Variants in ZMYM2 observed in about 807,000 individuals in gnomAD.
The protein encoded by ZMYM2 is zinc finger MYM-type protein 2.
ZMYM2 carries 56 observed loss-of-function variants against 162.8 expected under a neutral mutation model. The observed-to-expected ratio is 0.34, with a 90% CI of 0.28 to 0.43. ZMYM2 has a LOEUF of 0.43. Among genes scored for constraint, ZMYM2 ranks in the 20% least tolerant of loss-of-function variants. The pLI is 1.00. For synonymous variants in ZMYM2, 510 were observed against 541.6 expected (o/e 0.94, Z 0.81); for missense variants, 1,275 against 1,621.8 (o/e 0.79, Z 3.67).
At chr13:19,939,689 T>G in the ZMYM2 span, among the ~76,000 whole-genome samples, 1 of 152,274 alleles carries the variant, frequency 6.6e-6, no homozygotes, top group South Asian at 2.1e-4. Flanking sequence ...TAATTACAAG[T>G]TAGGAAATAT....
Position 20,026,670 on chromosome 13 carries a change from T to G in ZMYM2, c.1643T>G (p.Met548Arg). ...GCRTQCRFFD[M>R]TQCIGPNGYM... The stretch of plus-strand genomic sequence containing the variant: ...CGAACACAGTGCAGGTTTTTTGATA[T>G]GACTCAGTGTATAGGTCCTAATGGA... The change falls in exon 8 of 25, where the codon ATG (methionine) becomes AGG (arginine). Residue 548 changes from methionine (M) to arginine (R), a missense_variant. Transcript: ENST00000610343. 1 of 1,610,922 alleles carries G rather than the reference T, an allele frequency of 6.2e-7. No homozygotes were observed. Among genetic ancestry groups the G allele is most frequent in the Non-Finnish European group, 8.5e-7 (1 of 1,179,202 alleles).
rs1356760891 is a variant in ZMYM2, at chr13:20,019,803, T to C, written c.1584+185T>C. On this transcript the variant is annotated intron_variant, in intron 7 of 24. Transcript: ENST00000610343. Reference sequence around the variant, plus strand: ...GATTTCTAATTTCACTAATTTTACATGTATTTTCTTGTGATATGCTCATTT... The same window carrying C: ...GATTTCTAATTTCACTAATTTTACACGTATTTTCTTGTGATATGCTCATTT... 5 of 588,760 alleles carry C rather than the reference T, an allele frequency of 8.5e-6. No individual in the cohort carries two copies. The East Asian group carries it at 1.2e-4, about 14-fold the overall frequency. The allele number at this position is 588,760 out of a possible 1,614,324, so 36.5% of individuals were successfully genotyped here. A position where few individuals can be genotyped will look rare whatever the true frequency, so the allele number is the denominator to read the frequency against.
intron 2 of ZMYM2, among the ~76,000 whole-genome samples, chr13:19,985,310 G>A (rs973581838): frequency 3.3e-5 from 5 of 152,056 alleles, no homozygotes; most frequent in Admixed American, 6.6e-5. Context: ...TTTTTGTAGA[G>A]TCAGGATTTC....
rs752275811 is a variant in ZMYM2 at position 20,021,321 on chromosome 13, A to AT, written c.1584+1707dup. Among the ~76,000 whole-genome samples, 414 of 88,934 alleles carry AT rather than the reference A, an allele frequency of 4.7e-3. 3 individuals are homozygous for AT. Among genetic ancestry groups the AT allele is most frequent in the Middle Eastern group, 0.014 (2 of 138 alleles). 58.3% of individuals were successfully genotyped at this position (88,934 alleles called of 152,430 possible). On this transcript the variant is annotated intron_variant, in intron 7 of 24. Coordinates refer to ENST00000610343, the MANE Select transcript of ZMYM2 (RefSeq NM_197968.4). ...TTTCTAGATCTGTTTCTATAGTTTGATTTTCTTTTTTTTTCTTCTTCTGGG... is the reference window on the plus strand; with the variant it reads ...TTTCTAGATCTGTTTCTATAGTTTGATTTTTCTTTTTTTTTCTTCTTCTGGG...
At chr13:19,885,875 A>ATATACACACATATGTGTG in the ZMYM2 span, among the ~76,000 whole-genome samples, 4 of 32,150 alleles carry the variant, frequency 1.2e-4, no homozygotes, top group Admixed American at 4.2e-4. Context: ...ATATATATGT[A>ATATACACACATATGTGTG]TATACACATA....
intron 2 of ZMYM2, among the ~76,000 whole-genome samples, chr13:19,980,028 G>C (rs1198806394): frequency 6.6e-6 from 1 of 151,712 alleles, no homozygotes; most frequent in South Asian, 2.1e-4. Flanking sequence ...TTTTATGTCA[G>C]ATTTACAAGG....
chr13:20,063,144 T>A (rs79203353), intron 18 of ZMYM2, among the ~76,000 whole-genome samples, 173 bp downstream of exon 18: 11,822 of 152,142 alleles, frequency 0.078, 1,387 homozygotes, highest in African/African-American at 0.25. Context: ...TGTTTTTTTT[T>A]AAAAACCCAC....
upstream of ZMYM2, among the ~76,000 whole-genome samples, chr13:19,956,259 T>C (rs1218633951): frequency 8.6e-6 from 1 of 116,682 alleles, no homozygotes; most frequent in East Asian, 3.5e-4. Flanking sequence ...TTTTGTGTCT[T>C]GTTTATTCAC....
At chr13:19,941,201 T>C in the ZMYM2 span, among the ~76,000 whole-genome samples, 1 of 151,634 alleles carries the variant, frequency 6.6e-6, no homozygotes, top group Non-Finnish European at 1.5e-5. Flanking sequence ...CCCAGCTACT[T>C]GGGAGGGTGA....
chr13:20,082,160 C>A (rs1170710359), intron 22 of ZMYM2, 30 bp downstream of exon 22: 3 of 1,443,460 alleles, frequency 2.1e-6, no homozygotes, highest in African/African-American at 2.8e-5. Context: ...AGGTGTTGCT[C>A]TCTTGATATT....
chr13:19,993,359 A>G lies in ZMYM2; in HGVS notation c.287A>G (p.Asp96Gly), dbSNP rs780289759. 1 of 1,613,666 alleles carries G rather than the reference A, an allele frequency of 6.2e-7. No individual in the cohort carries two copies. The highest frequency in any genetic ancestry group is 1.3e-5 in the African/African-American group (1 of 74,932). Residue 96 changes from aspartate to glycine, a missense_variant, in exon 3 of 25, where the codon GAT becomes GGT. Physicochemically the swap from Asp to Gly is moderately conservative, Grantham distance 94. Coordinates refer to ENST00000610343, the MANE Select transcript of ZMYM2 (RefSeq NM_197968.4). ...SSKNEELQGN[D>G]SKITPSSKEL... ...AAAAATGAAGAACTACAAGGAAATG[A>G]TTCCAAAATTACTCCTTCCTCAAAA...
the ZMYM2 span, among the ~76,000 whole-genome samples, chr13:19,884,474 A>C: frequency 3.9e-5 from 6 of 152,120 alleles, no homozygotes; most frequent in African/African-American, 1.4e-4. Context: ...GCTACTCGGG[A>C]GGCCGAGGCA....
chr13:19,956,804 C>G (rs1239990724), upstream of ZMYM2, among the ~76,000 whole-genome samples: 1 of 152,164 alleles, frequency 6.6e-6, no homozygotes, highest in Non-Finnish European at 1.5e-5. Context: ...TGAGCTGAAG[C>G]TACTTCAATA....
At chr13:19,907,761 C>CAA in the ZMYM2 span, among the ~76,000 whole-genome samples, 3,128 of 39,100 alleles carry the variant, frequency 0.08, 1,120 homozygotes, top group Middle Eastern at 0.33. Flanking sequence ...GACTCTGTCT[C>CAA]AAAAAAAAAA....
At chr13:19,991,640 T>TTTC (rs397945778) in intron 2 of ZMYM2, among the ~76,000 whole-genome samples, 6 of 150,000 alleles carry the variant, frequency 4.0e-5, no homozygotes, top group African/African-American at 1.5e-4. Context: ...TTTTTTTTTT[T>TTTC]CCCATTTTGA....
upstream of ZMYM2, among the ~76,000 whole-genome samples, chr13:19,956,076 TTCAG>T (rs1214398440): frequency 2.6e-5 from 4 of 152,190 alleles, no homozygotes; most frequent in Non-Finnish European, 4.4e-5. Flanking sequence ...GTGCAATCAT[TTCAG>T]TCAATTTTAG....
rs539580390 is a variant in ZMYM2 at position 20,057,886 on chromosome 13, A to G, written c.2494-689A>G. On this transcript the variant is annotated intron_variant, in intron 14 of 24. Coordinates refer to ENST00000610343, the MANE Select transcript of ZMYM2 (RefSeq NM_197968.4). ...ATGTACCTACATTTTCTCCGTATCA[A>G]TAGATGATGTGGAGAGTACCTTATT... 2.0e-5 allele frequency among the ~76,000 whole-genome samples: 3 copies of G among 152,334 alleles called. No homozygotes were observed. The South Asian group carries it at 6.2e-4, about 32-fold the overall frequency.
chr13:19,991,079 C>CTGTGTGTGTGTG (rs56666919), intron 2 of ZMYM2, among the ~76,000 whole-genome samples: 1,309 of 59,870 alleles, frequency 0.022, 7 homozygotes, highest in Middle Eastern at 0.074. Flanking sequence ...TATGTATTTT[C>CTGTGTGTGTGTG]TGTGTGTGTG....
intron 10 of ZMYM2, among the ~76,000 whole-genome samples, chr13:20,032,530 A>T (rs1300928941): frequency 6.8e-6 from 1 of 146,580 alleles, no homozygotes; most frequent in Non-Finnish European, 1.5e-5. Context: ...GCTGTTGGTG[A>T]GTCATTCAGT....
Sources: allele counts gnomAD v4.1 joint callset (sites outside exome capture counted in the v4.1 genomes callset), GRCh38; gene constraint gnomAD v4.1.1; transcripts MANE v1.5; gene names NCBI Gene and HGNC (gene_info 2026-07-23, HGNC 2026-07-21).